The following LACTBL1 variants were observed in gnomAD, a reference collection of about 807,000 sequenced individuals.
LACTBL1 encodes the protein lactamase beta like 1, also known as beta-lactamase-like protein 1.
In LACTBL1, 29 loss-of-function variants were observed where a neutral mutation model predicts 39.6. The ratio of observed to expected loss-of-function variants is 0.73; its 90% CI spans 0.55 to 1.00. The LOEUF is 1.00. Among genes scored for constraint, LACTBL1 ranks in the 50% least tolerant of loss-of-function variants. LACTBL1 has a pLI of 0.00. For synonymous variants in LACTBL1, 361 were observed against 360.7 expected, an observed-to-expected ratio of 1.00 and a Z score of -0.01; for missense variants, 711 against 748.5, an observed-to-expected ratio of 0.95 and a Z score of 0.59.
At chr1:22,957,137 T>C (rs571760331) in intron 4 of LACTBL1, among the ~76,000 whole-genome samples, 2 of 152,296 alleles carry the variant, frequency 1.3e-5, no homozygotes, top group South Asian at 2.1e-4. Flanking sequence ...TGTTACATGC[T>C]TTTTTCCTAC....
At chr1:22,961,729 GTCC>G (rs1640824537) in intron 2 of LACTBL1, among the ~76,000 whole-genome samples, 1 of 151,626 alleles carries the variant, frequency 6.6e-6, no homozygotes, top group African/African-American at 2.4e-5. Flanking sequence ...GCTGAGCTCG[GTCC>G]ACCTCCACTT....
exon 5 of LACTBL1, chr1:22,955,349 C>T (rs1006940617): frequency 4.3e-5 from 66 of 1,550,446 alleles, no homozygotes; most frequent in Non-Finnish European, 5.4e-5. Flanking sequence ...ACCAGCACAT[C>T]GTCCTTGAGC....
exon 3 of LACTBL1, chr1:22,960,027 C>A (rs1421847260): frequency 3.9e-6 from 6 of 1,550,856 alleles, no homozygotes; most frequent in African/African-American, 2.7e-5. Flanking sequence ...AGCACAGTAT[C>A]ATTGTGGATG....
intron 1 of LACTBL1, among the ~76,000 whole-genome samples, chr1:22,964,426 G>A (rs1055174745): frequency 6.6e-6 from 1 of 152,268 alleles, no homozygotes; most frequent in African/African-American, 2.4e-5. Context: ...AGGAGTCCAC[G>A]CTGAGGGAGA....
chr1:22,963,337 G>A, intron 1 of LACTBL1, 121 bp from the exon 4 acceptor site: 1 of 481,254 alleles, frequency 2.1e-6, no homozygotes, highest in Non-Finnish European at 3.5e-6. Context: ...AGCCGAGCCG[G>A]GGGATATCAG....
upstream of LACTBL1, among the ~76,000 whole-genome samples, chr1:22,967,706 A>G (rs1226893458): frequency 6.6e-6 from 1 of 152,130 alleles, no homozygotes; most frequent in African/African-American, 2.4e-5. Context: ...TGGGCACTCA[A>G]CACTCGACTT....
At chr1:22,963,577 G>A (rs564218539) in intron 1 of LACTBL1, among the ~76,000 whole-genome samples, 12 of 152,316 alleles carry the variant, frequency 7.9e-5, no homozygotes, top group African/African-American at 2.6e-4. Flanking sequence ...CTGATTATGT[G>A]TTTGGGTGGA....
At chr1:22,969,087 A>G (rs1477354952), upstream of LACTBL1, among the ~76,000 whole-genome samples, 1 of 152,148 alleles carries the variant, frequency 6.6e-6, no homozygotes, top group African/African-American at 2.4e-5. Context: ...CAACTATTAC[A>G]GTATTTTTGA....
chr1:22,955,334 C>T lies in LACTBL1; in HGVS notation c.646G>A (p.Asp216Asn), dbSNP rs1190123717. ...TATGCTCCTCACCTGGTTCCCGGGT[C>T]CACTACCAGCACATCGTCCTTGAGC... The change falls in exon 5 of 6, where the codon GAC (aspartate) becomes AAC (asparagine). Residue 216 changes from aspartate (D) to asparagine (N), a missense_variant. Coordinates refer to ENST00000426928, the Ensembl canonical transcript of LACTBL1. 9 of 1,550,324 alleles carry T rather than the reference C, an allele frequency of 5.8e-6. No homozygotes were observed. In the South Asian group the frequency reaches 1.1e-4, roughly 18 times the overall value.
At chr1:22,953,488 G>T in exon 6 of LACTBL1, 1 of 1,230,296 alleles carries the variant, frequency 8.1e-7, no homozygotes, top group Non-Finnish European at 1.0e-6. Flanking sequence ...GTAGGCCCGC[G>T]CCACCAGGTC....
chr1:22,953,288 G>C, exon 6 of LACTBL1: 1 of 1,226,714 alleles, frequency 8.2e-7, no homozygotes. Flanking sequence ...CGGAACGCTG[G>C]AGGCACCAGC....
chr1:22,960,268 G>A (rs550033376), intron 2 of LACTBL1, among the ~76,000 whole-genome samples, 169 bp from the exon 5 acceptor site: 1 of 152,274 alleles, frequency 6.6e-6, no homozygotes, highest in Non-Finnish European at 1.5e-5. Flanking sequence ...TTCATAAGAT[G>A]TTTTCTCAAA....
At chr1:22,967,002 G>A (rs1453067808), upstream of LACTBL1, among the ~76,000 whole-genome samples, 2 of 152,232 alleles carry the variant, frequency 1.3e-5, no homozygotes, top group Non-Finnish European at 2.9e-5. Context: ...GGGAGGCCAA[G>A]ATGGGAGGAT....
upstream of LACTBL1, among the ~76,000 whole-genome samples, chr1:22,970,074 C>T (rs1273447031): frequency 6.6e-6 from 1 of 152,192 alleles, no homozygotes; most frequent in Non-Finnish European, 1.5e-5. Context: ...AGAGGGTTGG[C>T]TACTTGTAAA....
chr1:22,967,418 C>A (rs1453301244), upstream of LACTBL1, among the ~76,000 whole-genome samples: 1 of 151,846 alleles, frequency 6.6e-6, no homozygotes, highest in Non-Finnish European at 1.5e-5. Flanking sequence ...GTGGTATATA[C>A]CTGTGGTCCC....
At chr1:22,953,582 C>T (rs1369315405) in exon 6 of LACTBL1, 8 of 1,254,152 alleles carry the variant, frequency 6.4e-6, no homozygotes, top group African/African-American at 1.6e-5. Flanking sequence ...GCGGCGTAGC[C>T]GTCCAGATCG....
chr1:22,965,230 C>G, intron 1 of LACTBL1, 60 bp downstream of exon 3: 1 of 1,281,604 alleles, frequency 7.8e-7, no homozygotes, highest in Non-Finnish European at 9.9e-7. Flanking sequence ...GGTGGCAGCT[C>G]AAAGCCCAGG....
chr1:22,965,654 T>A (rs1308953179), upstream of LACTBL1, among the ~76,000 whole-genome samples: 5 of 152,156 alleles, frequency 3.3e-5, no homozygotes, highest in Non-Finnish European at 7.3e-5. Flanking sequence ...CTTGTTCCCC[T>A]ATGGACTTAG....
At chr1:22,953,843 C>G in exon 6 of LACTBL1, 1 of 1,548,244 alleles carries the variant, frequency 6.5e-7, no homozygotes, top group Non-Finnish European at 8.7e-7. Context: ...GCCGGCCGCC[C>G]GCTGCCGTAG....
Sources: gnomAD v4.1 joint callset for allele counts (sites outside exome capture counted in the v4.1 genomes callset) on GRCh38, gnomAD v4.1.1 for gene constraint, MANE v1.5 for transcripts, NCBI Gene and HGNC (gene_info 2026-07-23, HGNC 2026-07-21) for gene names.